CFL1: variants seen among roughly 807,000 people sequenced by gnomAD.
CFL1 encodes the protein cofilin-1.
Under a neutral mutation model 16.3 loss-of-function variants are expected in CFL1, and 2 were observed. The ratio of observed to expected loss-of-function variants is 0.12; its 90% CI spans 0.05 to 0.39. The LOEUF is 0.39. Ranked by LOEUF, CFL1 falls within the 10% of genes least tolerant of loss-of-function variation. The probability of loss-of-function intolerance (pLI) is 0.99; values close to 1 mark genes in which losing one functional copy is unlikely to be tolerated. For synonymous variants in CFL1, 111 were observed against 84.4 expected, an observed-to-expected ratio of 1.31 and a Z score of -1.73; for missense variants, 75 against 212.2, an observed-to-expected ratio of 0.35 and a Z score of 4.02.
At chr11:65,856,627 A>C (rs1859390179) in intron 1 of CFL1, 1 of 248,488 alleles carries the variant, frequency 4.0e-6, no homozygotes, top group Non-Finnish European at 8.1e-6. Context: ...TGGAGGACCC[A>C]AACACCTGAG....
intron 1 of CFL1, chr11:65,857,659 G>C (rs1222931034): frequency 9.0e-6 from 2 of 221,812 alleles, no homozygotes; most frequent in East Asian, 1.8e-4. Context: ...GTGACGCGCA[G>C]ACAGGAACAG....
At chr11:65,856,776 T>G in intron 1 of CFL1, 1 of 155,784 alleles carries the variant, frequency 6.4e-6, no homozygotes. Context: ...GCTAGGCTCT[T>G]TCCCAACCAA....
At chr11:65,857,528 C>T (rs570438711) in intron 1 of CFL1, 119 of 294,776 alleles carry the variant, frequency 4.0e-4, no homozygotes, top group Non-Finnish European at 7.1e-4. Flanking sequence ...TCGCAGGCAC[C>T]CACGCCCCAA....
intron 1 of CFL1, chr11:65,857,420 C>T: frequency 2.3e-6 from 1 of 437,418 alleles, no homozygotes; most frequent in South Asian, 1.6e-5. Flanking sequence ...CCAGCCCTCG[C>T]CCGATGCACG....
At chr11:65,855,817 CTT>C in intron 2 of CFL1, 87 bp from the exon 3 acceptor site, 5 of 1,503,820 alleles carry the variant, frequency 3.3e-6, no homozygotes, top group Non-Finnish European at 4.5e-6. Context: ...AGTGAGGAGT[CTT>C]TTGTTACAAC....
At chr11:65,856,900 A>AGAGGCCTC in intron 1 of CFL1, 1 of 153,568 alleles carries the variant, frequency 6.5e-6, no homozygotes, top group East Asian at 1.9e-4. Flanking sequence ...TCAAGTGCCC[A>AGAGGCCTC]GAGGCCTCGA....
chr11:65,858,008 G>A (rs1374308013), intron 1 of CFL1, 89 bp downstream of exon 1: 4 of 1,370,360 alleles, frequency 2.9e-6, no homozygotes, highest in African/African-American at 1.5e-5. Context: ...GCTGGGGGAG[G>A]GGGTGCGGAC....
At chr11:65,856,912 G>A (rs540644983) in intron 1 of CFL1, 32 of 153,460 alleles carry the variant, frequency 2.1e-4, no homozygotes, top group African/African-American at 7.2e-4. Context: ...AGGCCTCGAG[G>A]TCTTTAAACT....
rs776644270 is a variant in CFL1 at position 65,855,724 on chromosome 11, G to T, written c.318C>A (p.Pro106=). ...KEDLVFIFWA[P]ESAPLKSKMI... ...TTTTGCTCTTAAGGGGCGCAGACTC[G>T]GGGGCCCTGGACAGAAACACGCGTC... is the stretch of plus-strand genomic sequence containing the variant. Residue 106 remains proline, a synonymous_variant, in exon 3 of 4, where the codon CCC becomes CCA. Transcript: ENST00000308162. 2.6e-6 allele frequency: 4 copies of T among 1,547,446 alleles called. No individual in the cohort carries two copies. The South Asian group carries it at 3.8e-5, about 15-fold the overall frequency.
intron 1 of CFL1, chr11:65,857,485 GC>G (rs1365536875): frequency 1.9e-4 from 74 of 394,466 alleles, no homozygotes; most frequent in Non-Finnish European, 3.5e-4. Flanking sequence ...TCTCTGCGAT[GC>G]CCCCTCCAAG....
intron 3 of CFL1, 92 bp downstream of exon 3, chr11:65,855,562 A>G (rs1859370749): frequency 6.5e-7 from 1 of 1,547,180 alleles, no homozygotes; most frequent in South Asian, 1.2e-5. Flanking sequence ...GGCAGCGAAG[A>G]CAAGGGGGCA....
chr11:65,855,986 G>A lies in CFL1; in HGVS notation c.260C>T (p.Ala87Val). 1 of 1,614,128 alleles carries A rather than the reference G, an allele frequency of 6.2e-7. No individual in the cohort carries two copies. Among genetic ancestry groups the A allele is most frequent in the Non-Finnish European group, 8.5e-7 (1 of 1,180,006 alleles). Residue 87 changes from alanine to valine, a missense_variant, in exon 2 of 4, where the codon GCA becomes GTA. By Grantham distance (64) the Ala-to-Val change is moderately conservative. Transcript: ENST00000308162. The stretch of plus-strand genomic sequence containing the variant: ...CTTGCTCTCCTTGGTCTCATAGGTT[G>A]CATCATAGAGGGCATAGCGGCAGTC... The part of the protein sequence containing the change: ...DKDCRYALYD[A>V]TYETKESKKE...
chr11:65,856,472 A>G, intron 1 of CFL1: 1 of 522,450 alleles, frequency 1.9e-6, no homozygotes, highest in Admixed American at 3.5e-5. Context: ...ATTTTACAGG[A>G]TAGAAATGCA....
chr11:65,857,604 A>G (rs1173705094), intron 1 of CFL1: 3 of 220,964 alleles, frequency 1.4e-5, no homozygotes, highest in Non-Finnish European at 3.0e-5. Context: ...GGGCGCAGGC[A>G]TCCCTGCCAC....
At chr11:65,857,838 C>A (rs906076789) in intron 1 of CFL1, 3 of 276,242 alleles carry the variant, frequency 1.1e-5, no homozygotes, top group Non-Finnish European at 2.0e-5. Context: ...ACCCCTCCCC[C>A]CGCGGCCGGT....
intron 1 of CFL1, chr11:65,856,806 A>G (rs1055153348): frequency 6.4e-6 from 1 of 155,564 alleles, no homozygotes; most frequent in African/African-American, 2.4e-5. Context: ...TGCAACCCCC[A>G]TTAAGGACCC....
intron 1 of CFL1, chr11:65,857,548 C>A (rs1242451551): frequency 1.5e-5 from 4 of 259,332 alleles, no homozygotes; most frequent in Admixed American, 4.6e-5. Context: ...ACCGGGACCC[C>A]GTCTTCCCAG....
At chr11:65,858,012 T>A in intron 1 of CFL1, 85 bp downstream of exon 1, 1 of 1,390,036 alleles carries the variant, frequency 7.2e-7, no homozygotes, top group Non-Finnish European at 9.7e-7. Flanking sequence ...GGGGAGGGGG[T>A]GCGGACGTCG....
In CFL1 at chr11:65,856,006, G is replaced by A. The variant is rs371721199; in HGVS notation, c.240C>T (p.Cys80=). 5 of 1,614,140 alleles carry A rather than the reference G, an allele frequency of 3.1e-6. No homozygotes were observed. In the East Asian group the frequency reaches 8.9e-5, roughly 29 times the overall value. ...TFVKMLPDKD[C]RYALYDATYE... ...AGGTTGCATCATAGAGGGCATAGCG[G>A]CAGTCCTTATCTGGCAGCATCTTGA... The change falls in exon 2 of 4, where the codon TGC becomes TGT. Residue 80 remains cysteine, a synonymous_variant. Coordinates refer to ENST00000308162, the MANE Select transcript of CFL1 (RefSeq NM_005507.3).
Sources: gnomAD v4.1 joint callset for allele counts on GRCh38, gnomAD v4.1.1 for gene constraint, MANE v1.5 for transcripts, NCBI Gene and HGNC (gene_info 2026-07-23, HGNC 2026-07-21) for gene names.